Variants in ECE1 observed in about 807,000 individuals in gnomAD.
ECE1 encodes the protein endothelin-converting enzyme 1.
In ECE1, 35 loss-of-function variants were observed where a neutral mutation model predicts 98.6. That is an observed-to-expected ratio of 0.35 (90% confidence interval 0.27 to 0.47). The LOEUF is 0.47. ECE1 is among the 20% of genes least tolerant of loss of function. The probability of loss-of-function intolerance (pLI) is 1.00; values close to 1 mark genes in which losing one functional copy is unlikely to be tolerated. For missense variants in ECE1, 814 were observed against 1,025.3 expected (o/e 0.79, Z 2.81); for synonymous variants, 394 against 407.1 (o/e 0.97, Z 0.39).
At chr1:21,271,811 G>A (rs2098240541) in intron 4 of ECE1, among the ~76,000 whole-genome samples, 1 of 152,112 alleles carries the variant, frequency 6.6e-6, no homozygotes, top group Admixed American at 6.6e-5. Context: ...CTAGTGAAGT[G>A]CAAAGAGAAC....
chr1:21,279,810 A>C, intron 2 of ECE1: 3 of 728,122 alleles, frequency 4.1e-6, no homozygotes, highest in Non-Finnish European at 1.7e-6. Flanking sequence ...TCATAATCCC[A>C]CGCAAAAACA....
chr1:21,279,733 G>A, intron 2 of ECE1: 14 of 1,285,296 alleles, frequency 1.1e-5, no homozygotes, highest in Non-Finnish European at 1.4e-5. Context: ...GCGGGGTCAG[G>A]GACAAGGGTG....
intron 2 of ECE1, among the ~76,000 whole-genome samples, chr1:21,284,570 C>T (rs967203084): frequency 6.6e-6 from 1 of 152,176 alleles, no homozygotes; most frequent in Admixed American, 6.5e-5. Context: ...CAGCGCTATC[C>T]AGCCAGGAGT....
intron 1 of ECE1, among the ~76,000 whole-genome samples, chr1:21,297,236 A>G (rs1638380064): frequency 6.6e-6 from 1 of 152,102 alleles, no homozygotes; most frequent in South Asian, 2.1e-4. Context: ...AATCTTACCT[A>G]GTGTTGCTGG....
chr1:21,232,087 G>A (rs554157680), intron 14 of ECE1, among the ~76,000 whole-genome samples: 4 of 152,252 alleles, frequency 2.6e-5, no homozygotes, highest in African/African-American at 7.2e-5. Context: ...TGTACATAGC[G>A]GGGTGTCCTG....
Position 21,238,211 on chromosome 1 carries a change from C to A in ECE1, c.1312G>T (p.Asp438Tyr). ...GCAAAGCCCAGGTTGTTTTCTGTGT[C>A]ACTCACGCAAAACTTCCAGCGAGGA... is the stretch of plus-strand genomic sequence containing the variant. ...CLPRWKFCVSDTENNLGFALG... is the reference protein window; with the variant it reads ...CLPRWKFCVSYTENNLGFALG... Residue 438 changes from aspartate (D) to tyrosine (Y), a missense_variant, in exon 11 of 19, where the codon GAC becomes TAC. By Grantham distance (160) the Asp-to-Tyr change is radical (BLOSUM62 -3). This residue lies in a region of ECE1 where 452 missense variants were observed against 567.3 expected (regional missense o/e 0.80). Transcript: ENST00000374893. The A allele has an allele frequency of 6.2e-7, 1 of 1,614,252 alleles. No individual in the cohort carries two copies. Among genetic ancestry groups the A allele is most frequent in the Non-Finnish European group, 8.5e-7 (1 of 1,180,042 alleles).
chr1:21,324,259 C>A (rs1362059266), intron 1 of ECE1, among the ~76,000 whole-genome samples: 1 of 152,234 alleles, frequency 6.6e-6, no homozygotes, highest in African/African-American at 2.4e-5. Flanking sequence ...GCCTCAGCCT[C>A]CCAAGTAGCT....
Position 21,299,746 on chromosome 1 carries a change from TG to T in ECE1, c.4-9591del, listed in dbSNP as rs1438136737. 3 of 152,348 alleles carry T rather than the reference TG, an allele frequency of 2.0e-5. No individual in the cohort carries two copies. The East Asian group carries it at 5.8e-4, about 29-fold the overall frequency. 9.4% of individuals were successfully genotyped at this position (152,348 alleles called of 1,614,324 possible). On this transcript the variant is annotated intron_variant, in intron 1 of 18. Transcript: ENST00000415912. Reference sequence around the variant, plus strand: ...GACAACAGTGTCTCCCTCATAGGCTTGTGAAGATAAAACGAGTAACAAGACT... The same window carrying T: ...GACAACAGTGTCTCCCTCATAGGCTTTGAAGATAAAACGAGTAACAAGACT...
At chr1:21,324,816 G>A (rs921239735) in intron 1 of ECE1, among the ~76,000 whole-genome samples, 10 of 152,176 alleles carry the variant, frequency 6.6e-5, no homozygotes, top group South Asian at 2.1e-4. Context: ...TTCCCCAACC[G>A]AGTGTGTCAC....
chr1:21,257,250 G>A (rs1382141446), intron 7 of ECE1, among the ~76,000 whole-genome samples: 2 of 152,210 alleles, frequency 1.3e-5, no homozygotes, highest in African/African-American at 4.8e-5. Flanking sequence ...TGTATAAAGG[G>A]CCAGGCGAAT....
At chr1:21,292,304 T>TC (rs201112338), upstream of ECE1, among the ~76,000 whole-genome samples, 11,136 of 138,582 alleles carry the variant, frequency 0.08, 474 homozygotes, top group Middle Eastern at 0.12. Flanking sequence ...CAGCGCCCCC[T>TC]CCCCCACCAA....
intron 1 of ECE1, among the ~76,000 whole-genome samples, chr1:21,324,319 T>G (rs1357093827): frequency 6.6e-6 from 1 of 152,150 alleles, no homozygotes; most frequent in Non-Finnish European, 1.5e-5. Flanking sequence ...GCTTCTTAAC[T>G]GGGTGGGCAG....
chr1:21,318,159 G>A (rs776195927), intron 1 of ECE1, among the ~76,000 whole-genome samples: 1 of 152,196 alleles, frequency 6.6e-6, no homozygotes, highest in African/African-American at 2.4e-5. Flanking sequence ...GGGAAACGGT[G>A]GGGGAGAGCA....
rs2098184798 is a variant in ECE1 at position 21,233,839 on chromosome 1, G to T, written c.1567-178C>A. Among the ~76,000 whole-genome samples the T allele has an allele frequency of 6.6e-6, 1 of 152,090 alleles. No homozygotes were observed. The highest frequency in any genetic ancestry group is 2.4e-5 in the African/African-American group (1 of 41,418). ...GGCCTTCACCCTGGGGCACGAGATG[G>T]AATGACACCGTTGCAGGATGTGCCT... On this transcript the variant is annotated intron_variant, in intron 13 of 18. Transcript: ENST00000374893. The surrounding 1 kb of genome is among the most constrained non-coding windows in gnomAD (Gnocchi z 4.0).
chr1:21,281,727 C>T (rs1558411310), intron 2 of ECE1, among the ~76,000 whole-genome samples: 2 of 152,120 alleles, frequency 1.3e-5, no homozygotes, highest in Non-Finnish European at 2.9e-5. Context: ...GATGGAGTCT[C>T]CCTCTGTTAC....
chr1:21,243,637 A>G (rs1487994741), intron 10 of ECE1, among the ~76,000 whole-genome samples: 2 of 152,190 alleles, frequency 1.3e-5, no homozygotes, highest in Non-Finnish European at 2.9e-5. Flanking sequence ...CACACAGACC[A>G]TCTTTGGAAC....
At chr1:21,281,859 G>T (rs2098254942) in intron 2 of ECE1, among the ~76,000 whole-genome samples, 1 of 152,166 alleles carries the variant, frequency 6.6e-6, no homozygotes, top group Admixed American at 6.5e-5. Context: ...ACCACGCCCG[G>T]CTAATTTTTG....
At chr1:21,279,612 C>A in intron 2 of ECE1, 1 of 1,430,748 alleles carries the variant, frequency 7.0e-7, no homozygotes, top group Non-Finnish European at 9.1e-7. Flanking sequence ...AAGGAAAAAA[C>A]TACAGCTTTT....
chr1:21,225,354 C>T lies in ECE1; in HGVS notation c.1936G>A (p.Val646Ile), dbSNP rs2098172723. 14 of 1,614,250 alleles carry T rather than the reference C, an allele frequency of 8.7e-6. No individual in the cohort carries two copies. Among genetic ancestry groups the T allele is most frequent in the Non-Finnish European group, 1.1e-5 (13 of 1,180,044 alleles). ...EAFKRQTECM[V>I]EQYSNYSVNG... is the part of the protein sequence containing the mutation. Reference sequence around the variant, plus strand: ...ACGCTGTAGTTGCTGTACTGCTCTACCATGCACTCGGTCTGACGCTTGAAG... The same window carrying T: ...ACGCTGTAGTTGCTGTACTGCTCTATCATGCACTCGGTCTGACGCTTGAAG... The change falls in exon 17 of 19, where the codon GTA becomes ATA. Residue 646 changes from valine (V) to isoleucine (I), a missense_variant. By Grantham distance (29) the Val-to-Ile change is conservative. Coordinates refer to ENST00000374893, the MANE Select transcript of ECE1 (RefSeq NM_001397.3). This position sits in a 1 kb window ranked among gnomAD's most constrained non-coding sequence, Gnocchi z 5.3.
Sources: allele counts gnomAD v4.1 joint callset (sites outside exome capture counted in the v4.1 genomes callset), GRCh38; gene constraint gnomAD v4.1.1; regional missense constraint gnomAD v4.1.1; non-coding constraint Gnocchi (gnomAD v3.1); transcripts MANE v1.5; gene names NCBI Gene and HGNC (gene_info 2026-07-23, HGNC 2026-07-21).